VWC2: variants seen among roughly 807,000 people sequenced by gnomAD.
VWC2 encodes von Willebrand factor C domain containing 2, also known as brorin.
A neutral mutation model predicts 29.8 loss-of-function variants in VWC2; 14 were observed. The ratio of observed to expected loss-of-function variants is 0.47; its 90% CI spans 0.31 to 0.74. VWC2 has a LOEUF of 0.74. Among genes scored for constraint, VWC2 ranks in the 30% least tolerant of loss-of-function variants. The pLI is 0.05. For missense variants in VWC2, 457 were observed against 459.8 expected (o/e 0.99, Z 0.05); for synonymous variants, 213 against 199.0 (o/e 1.07, Z -0.59).
chr7:49,804,338 C>T (rs1054582798), intron 3 of VWC2, among the ~76,000 whole-genome samples: 6 of 151,894 alleles, frequency 4.0e-5, no homozygotes, highest in Non-Finnish European at 2.9e-5. Context: ...CTCGGTGTGG[C>T]TTTCAGCACA....
intron 3 of VWC2, among the ~76,000 whole-genome samples, chr7:49,804,805 C>A (rs1364715096): frequency 1.3e-5 from 2 of 152,202 alleles, no homozygotes; most frequent in East Asian, 3.9e-4. Context: ...CCTGCCCCAT[C>A]TCTCTATATA....
Position 49,916,257 on chromosome 7 carries a change from C to T in VWC2, c.*4072C>T, listed in dbSNP as rs948996095. On this transcript the variant is annotated 3_prime_UTR_variant, in exon 4 of 4. Transcript: ENST00000340652. The stretch of plus-strand genomic sequence containing the variant: ...ACTCCTCAACATGGAAGACTGGTGT[C>T]TTCACAATTAGATCATGGACAACAC... 6.6e-6 allele frequency: 1 copy of T among 152,198 alleles called. No individual in the cohort carries two copies. The highest frequency in any genetic ancestry group is 2.4e-5 in the African/African-American group (1 of 41,450). 9.4% of individuals were successfully genotyped at this position (152,198 alleles called of 1,614,324 possible).
At position 49,840,794 on chromosome 7, in the gene VWC2, G is replaced by A. The variant is rs142133069; in HGVS notation, c.826+37954G>A. 7.6e-3 allele frequency among the ~76,000 whole-genome samples: 1,161 copies of A among 152,128 alleles called. 49 individuals are homozygous for A. The South Asian group carries it at 0.12, about 15-fold the overall frequency. On this transcript the variant is annotated intron_variant, in intron 3 of 3. Coordinates refer to ENST00000340652, the MANE Select transcript of VWC2 (RefSeq NM_198570.5). ...TCCAAAATCTCTAGTTAGTTTCCCC[G>A]TATTTCAGGTTCGCAGTGAGTCAAG...
chr7:49,778,920 G>A (rs10256621), intron 2 of VWC2, among the ~76,000 whole-genome samples: 2,240 of 152,302 alleles, frequency 0.015, 45 homozygotes, highest in African/African-American at 0.044. Flanking sequence ...GTACAGTCGG[G>A]TCATGCCTGG....
chr7:49,846,003 C>T (rs993242019), intron 3 of VWC2, among the ~76,000 whole-genome samples: 7 of 152,196 alleles, frequency 4.6e-5, no homozygotes, highest in Non-Finnish European at 5.9e-5. Flanking sequence ...TGATAAAAGA[C>T]GGCTCCAGTC....
intron 3 of VWC2, among the ~76,000 whole-genome samples, chr7:49,834,972 G>T (rs962365986): frequency 1.3e-5 from 2 of 152,212 alleles, no homozygotes; most frequent in African/African-American, 4.8e-5. Flanking sequence ...TATAGAAAGT[G>T]TATTTGGGTC....
rs549536871 is a variant in VWC2, at chr7:49,822,913, G to A, written c.826+20073G>A. Among the ~76,000 whole-genome samples, 8 of 152,272 alleles carry A rather than the reference G, an allele frequency of 5.3e-5. No individual in the cohort carries two copies. In the South Asian group the frequency reaches 1.2e-3, roughly 24 times the overall value. ...GCACACTTCATTCATTTACTACTTG[G>A]TGGAGATTTGAGATTTTAAGCTTCT... On this transcript the variant is annotated intron_variant, in intron 3 of 3. Coordinates refer to ENST00000340652, the MANE Select transcript of VWC2 (RefSeq NM_198570.5).
chr7:49,901,916 G>GCTAACACTGTTTGCTAACACTGTTAGC, intron 3 of VWC2, among the ~76,000 whole-genome samples: 14 of 151,974 alleles, frequency 9.2e-5, no homozygotes, highest in African/African-American at 2.7e-4. Flanking sequence ...TGCTAACAGA[G>GCTAACACTGTTTGCTAACACTGTTAGC]TAAACATAGT....
chr7:49,871,300 G>A (rs929966365), intron 3 of VWC2, among the ~76,000 whole-genome samples: 4 of 152,046 alleles, frequency 2.6e-5, no homozygotes, highest in Admixed American at 6.5e-5. Flanking sequence ...GATCCAAGTC[G>A]GATTCCCTGA....
intron 3 of VWC2, among the ~76,000 whole-genome samples, chr7:49,816,075 G>A (rs139980835): frequency 6.6e-4 from 100 of 152,276 alleles, no homozygotes; most frequent in African/African-American, 2.2e-3. Context: ...TATGTCCAGA[G>A]GGTGGGAGCG....
At chr7:49,878,706 A>T (rs902145884) in intron 3 of VWC2, among the ~76,000 whole-genome samples, 5 of 152,070 alleles carry the variant, frequency 3.3e-5, no homozygotes, top group Admixed American at 2.0e-4. Context: ...TCTCTGCCAT[A>T]ATCTTTTAAA....
chr7:49,831,450 G>T (rs1406798810), intron 3 of VWC2, among the ~76,000 whole-genome samples: 1 of 152,160 alleles, frequency 6.6e-6, no homozygotes, highest in Non-Finnish European at 1.5e-5. Flanking sequence ...CTTCAGGGGA[G>T]AAATATTATG....
intron 3 of VWC2, among the ~76,000 whole-genome samples, chr7:49,883,225 C>T (rs1213392890): frequency 2.0e-5 from 3 of 152,036 alleles, no homozygotes; most frequent in South Asian, 2.1e-4. Context: ...ACCTGCCAAG[C>T]GGAACCTAAC....
chr7:49,799,119 C>A (rs1269217658), intron 2 of VWC2, among the ~76,000 whole-genome samples: 3 of 152,234 alleles, frequency 2.0e-5, no homozygotes, highest in Non-Finnish European at 4.4e-5. Flanking sequence ...TCTGGGCACA[C>A]CTGCTTAGTT....
At chr7:49,829,882 CT>C (rs1318600230) in intron 3 of VWC2, among the ~76,000 whole-genome samples, 2 of 152,228 alleles carry the variant, frequency 1.3e-5, no homozygotes, top group Non-Finnish European at 2.9e-5. Flanking sequence ...TCTCTGGAGA[CT>C]CTTTATCTGC....
At chr7:49,877,507 TATATATATATAG>T (rs1791486060) in intron 3 of VWC2, among the ~76,000 whole-genome samples, 3 of 90,318 alleles carry the variant, frequency 3.3e-5, no homozygotes, top group Admixed American at 2.3e-4. Context: ...TATATATATA[TATATATATATAG>T]TTATTTGGTC....
intron 3 of VWC2, among the ~76,000 whole-genome samples, chr7:49,854,600 A>G (rs1288877577): frequency 3.3e-5 from 5 of 152,170 alleles, no homozygotes; most frequent in African/African-American, 7.2e-5. Context: ...TTCTTTGCAG[A>G]TTCTGGATAT....
intron 3 of VWC2, among the ~76,000 whole-genome samples, chr7:49,874,811 C>T (rs1683100426): frequency 6.6e-6 from 1 of 152,082 alleles, no homozygotes; most frequent in African/African-American, 2.4e-5. Context: ...CTATCCTTTT[C>T]CTACTTCAGT....
chr7:49,898,480 G>A (rs1017919510), intron 3 of VWC2, among the ~76,000 whole-genome samples: 5 of 151,996 alleles, frequency 3.3e-5, no homozygotes, highest in African/African-American at 1.2e-4. Flanking sequence ...TTGTTTGTCT[G>A]ACAAAGTTTT....
Sources: allele counts gnomAD v4.1 joint callset (sites outside exome capture counted in the v4.1 genomes callset), GRCh38; gene constraint gnomAD v4.1.1; transcripts MANE v1.5; gene names NCBI Gene and HGNC (gene_info 2026-07-23, HGNC 2026-07-21).